The following CREM variants were observed in gnomAD, a reference collection of about 807,000 sequenced individuals.
The protein encoded by CREM is cAMP-responsive element modulator.
In CREM, 13 loss-of-function variants were observed where a neutral mutation model predicts 37.3. The observed-to-expected ratio is 0.35, with a 90% CI of 0.23 to 0.55. The LOEUF (loss-of-function observed/expected upper bound fraction) is 0.55. CREM is among the 20% of genes least tolerant of loss of function. The pLI is 0.88. For synonymous variants in CREM, 124 were observed against 120.2 expected (o/e 1.03, Z -0.21); for missense variants, 296 against 362.3 (o/e 0.82, Z 1.49).
At chr10:35,134,409 G>T (rs1203929934) in intron 1 of CREM, among the ~76,000 whole-genome samples, 1 of 152,078 alleles carries the variant, frequency 6.6e-6, no homozygotes, top group Non-Finnish European at 1.5e-5. Context: ...TAGAGACAGG[G>T]TTTCGCCATG....
chr10:35,179,030 A>C, intron 4 of CREM, 44 bp downstream of exon 4: 3 of 1,555,914 alleles, frequency 1.9e-6, no homozygotes, highest in Non-Finnish European at 2.6e-6. Context: ...TTTTTCCAAA[A>C]TGGTAGAATA....
chr10:35,194,901 C>CATTATTATT (rs113909710), intron 6 of CREM, among the ~76,000 whole-genome samples: 102 of 149,696 alleles, frequency 6.8e-4, no homozygotes, highest in African/African-American at 1.8e-3. Context: ...CTAAAAGAGA[C>CATTATTATT]ATTATTATTA....
At chr10:35,188,964 G>A (rs560482644) in intron 6 of CREM, among the ~76,000 whole-genome samples, 8 of 152,162 alleles carry the variant, frequency 5.3e-5, no homozygotes, top group African/African-American at 9.6e-5. Flanking sequence ...GTGAGCCACC[G>A]CACCCGGCCA....
chr10:35,162,486 T>C (rs181249040), intron 3 of CREM, among the ~76,000 whole-genome samples: 2 of 152,336 alleles, frequency 1.3e-5, no homozygotes, highest in African/African-American at 4.8e-5. Context: ...AACTATTACA[T>C]AATGTATATA....
intron 6 of CREM, among the ~76,000 whole-genome samples, chr10:35,203,971 C>A (rs1401385051): frequency 1.3e-5 from 2 of 152,102 alleles, no homozygotes; most frequent in Non-Finnish European, 2.9e-5. Flanking sequence ...TCGTCACTGG[C>A]TATTGTTCCA....
At chr10:35,188,083 G>C in intron 5 of CREM, 117 bp from the exon 6 acceptor site, 1 of 1,002,276 alleles carries the variant, frequency 1.0e-6, no homozygotes, top group Non-Finnish European at 1.4e-6. Context: ...TAGAAAATAA[G>C]GGTAACCTGA....
intron 6 of CREM, chr10:35,196,044 C>G (rs2095145593): frequency 6.2e-7 from 1 of 1,613,796 alleles, no homozygotes; most frequent in Non-Finnish European, 8.5e-7. Flanking sequence ...GAGGGAAACA[C>G]GTCATGAAAC....
chr10:35,186,771 A>G (rs2094573010), intron 5 of CREM, among the ~76,000 whole-genome samples: 1 of 130,766 alleles, frequency 7.6e-6, no homozygotes, highest in South Asian at 2.2e-4. Context: ...TATATAATAT[A>G]TAACAAATTA....
intron 1 of CREM, among the ~76,000 whole-genome samples, chr10:35,128,942 A>AT (rs1370512091): frequency 6.6e-6 from 1 of 152,208 alleles, no homozygotes; most frequent in Non-Finnish European, 1.5e-5. Flanking sequence ...ATTGCACACA[A>AT]TATGTTTTGG....
At chr10:35,187,594 C>G (rs1457073396) in intron 5 of CREM, among the ~76,000 whole-genome samples, 1 of 151,980 alleles carries the variant, frequency 6.6e-6, no homozygotes, top group Non-Finnish European at 1.5e-5. Flanking sequence ...CTTTTGATGA[C>G]AAATCAGAAA....
At chr10:35,132,036 A>G (rs984806375) in intron 1 of CREM, among the ~76,000 whole-genome samples, 2 of 152,054 alleles carry the variant, frequency 1.3e-5, no homozygotes, top group Non-Finnish European at 2.9e-5. Context: ...CCCCGTCTCT[A>G]CTAAAAATAC....
At chr10:35,204,655 G>A (rs1307548474) in intron 6 of CREM, among the ~76,000 whole-genome samples, 8 of 149,704 alleles carry the variant, frequency 5.3e-5, no homozygotes, top group Non-Finnish European at 1.0e-4. Flanking sequence ...AAAATTACAT[G>A]TAGAAGGAAA....
At chr10:35,174,136 A>T (rs564457278) in intron 3 of CREM, among the ~76,000 whole-genome samples, 1 of 152,196 alleles carries the variant, frequency 6.6e-6, no homozygotes, top group African/African-American at 2.4e-5. Flanking sequence ...TGTGGGCTAC[A>T]TATTGGTTGC....
intron 6 of CREM, among the ~76,000 whole-genome samples, chr10:35,194,938 C>T (rs1398374950): frequency 6.6e-6 from 1 of 151,352 alleles, no homozygotes; most frequent in Non-Finnish European, 1.5e-5. Context: ...TTGCTAGAGC[C>T]CACCTCAAAC....
At chr10:35,177,979 G>A (rs983651426) in intron 3 of CREM, among the ~76,000 whole-genome samples, 6 of 152,122 alleles carry the variant, frequency 3.9e-5, no homozygotes, top group Non-Finnish European at 8.8e-5. Flanking sequence ...AGTCATATGT[G>A]GAGGTGAATA....
chr10:35,176,844 C>T (rs2094115523), intron 3 of CREM, among the ~76,000 whole-genome samples: 1 of 152,018 alleles, frequency 6.6e-6, no homozygotes, highest in African/African-American at 2.4e-5. Context: ...TAATGTATCC[C>T]TCTCGATTAA....
chr10:35,163,083 G>A (rs956908576), intron 3 of CREM, among the ~76,000 whole-genome samples: 1 of 152,050 alleles, frequency 6.6e-6, no homozygotes, highest in South Asian at 2.1e-4. Flanking sequence ...GCACTTGCCT[G>A]TAGTGCTATC....
At chr10:35,195,096 C>A in intron 6 of CREM, 1 of 1,337,380 alleles carries the variant, frequency 7.5e-7, no homozygotes, top group Non-Finnish European at 1.1e-6. Context: ...GATGTCAGTC[C>A]TCCTGCTTAT....
chr10:35,184,837 A>G (rs2094486667), intron 5 of CREM, among the ~76,000 whole-genome samples: 1 of 152,120 alleles, frequency 6.6e-6, no homozygotes, highest in Admixed American at 6.6e-5. Flanking sequence ...TTTGTTATCT[A>G]CCTATTTAGG....
Sources: allele counts gnomAD v4.1 joint callset (sites outside exome capture counted in the v4.1 genomes callset), GRCh38; gene constraint gnomAD v4.1.1; transcripts MANE v1.5; gene names NCBI Gene and HGNC (gene_info 2026-07-23, HGNC 2026-07-21).